Variants in NCDN observed in about 807,000 individuals in gnomAD.
NCDN encodes neurochondrin.
In NCDN, 9 loss-of-function variants were observed where a neutral mutation model predicts 60.7. That is an observed-to-expected ratio of 0.15 (90% CI 0.09 to 0.26). The LOEUF (loss-of-function observed/expected upper bound fraction) is 0.26. Among genes scored for constraint, NCDN ranks in the 10% least tolerant of loss-of-function variants. The pLI is 1.00. For synonymous variants in NCDN, 409 were observed against 442.5 expected, an observed-to-expected ratio of 0.92 and a Z score of 0.95; for missense variants, 578 against 975.2, an observed-to-expected ratio of 0.59 and a Z score of 5.42.
chr1:35,562,673 A>T lies in NCDN; in HGVS notation c.1385+40A>T, dbSNP rs749258061. On this transcript the variant is annotated intron_variant, in intron 4 of 6. Transcript: ENST00000373243. The surrounding 1 kb of genome is among the most constrained non-coding windows in gnomAD (Gnocchi z 6.8). ...ACAGTCTGTCCAGCTAGATCATTCT[A>T]CCGAAAAGCGTTAACACAAGGACAC... The T allele has an allele frequency of 1.3e-6, 2 of 1,581,288 alleles. No individual in the cohort carries two copies. Among genetic ancestry groups the T allele is most frequent in the South Asian group, 2.3e-5 (2 of 86,478 alleles).
chr1:35,564,762 C>A (rs1557427300), intron 6 of NCDN, among the ~76,000 whole-genome samples: 2 of 152,200 alleles, frequency 1.3e-5, no homozygotes, highest in African/African-American at 2.4e-5. Flanking sequence ...GTGAGGGTCA[C>A]CCCTTGAACA....
Position 35,560,643 on chromosome 1 carries a change from C to T in NCDN, c.492C>T (p.Gly164=). 6.8e-6 allele frequency: 11 copies of T among 1,613,480 alleles called. No individual in the cohort carries two copies. Among genetic ancestry groups the T allele is most frequent in the Non-Finnish European group, 9.3e-6 (11 of 1,180,052 alleles). ...ACCAGTGCCTGACGGCTGTAGCAGG[C>T]ACACCCAGAGGGCCTCGGCACCTCA... ...DTYQCLTAVA[G]TPRGPRHLIA... is the part of the protein sequence containing the mutation. Residue 164 remains glycine (G), a synonymous_variant, in exon 3 of 7, where the codon GGC becomes GGT. Transcript: ENST00000373243. This position sits in a 1 kb window ranked among gnomAD's most constrained non-coding sequence, Gnocchi z 7.6.
Position 35,560,255 on chromosome 1 carries a change from C to T in NCDN, c.175-71C>T. On this transcript the variant is annotated intron_variant, in intron 2 of 6. Transcript: ENST00000373243. The surrounding 1 kb of genome is among the most constrained non-coding windows in gnomAD (Gnocchi z 7.6). ...CTCATCTTGCTAGTCCTCAGTGCCC[C>T]AGGATGCAGGAGAGGGACAGTCTTT... The T allele has an allele frequency of 4.5e-6, 7 of 1,541,250 alleles. No individual in the cohort carries two copies. The highest frequency in any genetic ancestry group is 2.3e-5 in the East Asian group (1 of 44,364).
In NCDN at chr1:35,565,586, A is replaced by G. The variant is rs1418871638; in HGVS notation, c.2113A>G (p.Met705Val). 3 of 1,565,208 alleles carry G rather than the reference A, an allele frequency of 1.9e-6. No individual in the cohort carries two copies. The highest frequency in any genetic ancestry group is 2.6e-6 in the Non-Finnish European group (3 of 1,160,396). ...ARANRLCREA[M>V]RLQAGEETAS... The stretch of plus-strand genomic sequence containing the variant: ...GGCCAACCGGCTGTGCCGGGAGGCC[A>G]TGAGGCTGCAGGCGGGCGAGGAGAC... Residue 705 changes from methionine to valine, a missense_variant, in exon 7 of 7, where the codon ATG becomes GTG. This residue lies in a region of NCDN where 191 missense variants were observed against 372.1 expected (regional missense o/e 0.51). Transcript: ENST00000373243. This position sits in a 1 kb window ranked among gnomAD's most constrained non-coding sequence, Gnocchi z 8.9.
Position 35,558,439 on chromosome 1 carries a change from G to A in NCDN, c.33+216G>A. ...TAATTCTGCTGCTGCCGCCGCCGCT[G>A]CTGCTGCTGCTGCAGCCTCTACCCG... On this transcript the variant is annotated intron_variant, in intron 1 of 6. Transcript: ENST00000373243. This position sits in a 1 kb window ranked among gnomAD's most constrained non-coding sequence, Gnocchi z 6.3. 2 of 1,436,912 alleles carry A rather than the reference G, an allele frequency of 1.4e-6. No individual in the cohort carries two copies. Among genetic ancestry groups the A allele is most frequent in the African/African-American group, 1.4e-5 (1 of 69,576 alleles). The allele number at this position is 1,436,912 out of a possible 1,614,324, so 89.0% of individuals were successfully genotyped here.
Position 35,560,322 on chromosome 1 carries a change from A to G in NCDN, c.175-4A>G, listed in dbSNP as rs185802063. 4.3e-4 allele frequency: 695 copies of G among 1,612,376 alleles called. 1 individual carries two copies. Among genetic ancestry groups the G allele is most frequent in the Non-Finnish European group, 5.5e-4 (649 of 1,179,746 alleles). On this transcript the variant is annotated splice_polypyrimidine_tract_variant and splice_region_variant and intron_variant, in intron 2 of 6. Transcript: ENST00000373243. The surrounding 1 kb of genome is among the most constrained non-coding windows in gnomAD (Gnocchi z 7.6). Reference sequence around the variant, plus strand: ...ATCCTGATGATAGCACATACCCCCTATAGGTGACCAAGGCAGTCAAAGCAG... The same window carrying G: ...ATCCTGATGATAGCACATACCCCCTGTAGGTGACCAAGGCAGTCAAAGCAG...
Position 35,563,748 on chromosome 1 carries a change from T to TC in NCDN, c.1611-13dup. 6.2e-7 allele frequency: 1 copy of TC among 1,611,098 alleles called. No homozygotes were observed. Among genetic ancestry groups the TC allele is most frequent in the Non-Finnish European group, 8.5e-7 (1 of 1,178,160 alleles). On this transcript the variant is annotated intron_variant, in intron 5 of 6. Coordinates refer to ENST00000373243, the MANE Select transcript of NCDN (RefSeq NM_014284.3). The surrounding 1 kb of genome is among the most constrained non-coding windows in gnomAD (Gnocchi z 6.6). ...CTAGACCCCCACCTACCTCCATCCT[T>TC]CCCCCCTTTCTTTTCCAGGCGTGAC... is the stretch of plus-strand genomic sequence containing the variant.
In NCDN at chr1:35,558,382, C is replaced by G; in HGVS notation, c.33+159C>G. The G allele has an allele frequency of 6.6e-7, 1 of 1,504,042 alleles. No homozygotes were observed. The highest frequency in any genetic ancestry group is 8.8e-7 in the Non-Finnish European group (1 of 1,130,574). The allele number at this position is 1,504,042 out of a possible 1,614,324, so 93.2% of individuals were successfully genotyped here. The stretch of plus-strand genomic sequence containing the variant: ...CGGCATCCACAGGCTGGTAGCGGGA[C>G]GGGGAGGGCGAGAAGAGGGAGCGCA... On this transcript the variant is annotated intron_variant, in intron 1 of 6. Coordinates refer to ENST00000373243, the MANE Select transcript of NCDN (RefSeq NM_014284.3). This position sits in a 1 kb window ranked among gnomAD's most constrained non-coding sequence, Gnocchi z 6.3.
At position 35,560,462 on chromosome 1, in the gene NCDN, G is replaced by A. The variant is rs752138615; in HGVS notation, c.311G>A (p.Arg104Gln). Residue 104 changes from arginine (R) to glutamine (Q), a missense_variant, in exon 3 of 7, where the codon CGG (arginine) becomes CAG (glutamine). By Grantham distance (43) the Arg-to-Gln change is conservative. This residue lies in a region of NCDN where 363 missense variants were observed against 583.6 expected (regional missense o/e 0.62). Coordinates refer to ENST00000373243, the MANE Select transcript of NCDN (RefSeq NM_014284.3). This position sits in a 1 kb window ranked among gnomAD's most constrained non-coding sequence, Gnocchi z 7.6. ...GATGGCTGCCCTGACCATGTTCTGC[G>A]GGCTTTGGGTGTGGCCCTGCTGGCC... Reference protein sequence around the residue: ...APDGCPDHVLRALGVALLACF... With the variant: ...APDGCPDHVLQALGVALLACF... 4.3e-6 allele frequency: 7 copies of A among 1,613,964 alleles called. No individual in the cohort carries two copies. The highest frequency in any genetic ancestry group is 1.3e-5 in the African/African-American group (1 of 75,068).
In NCDN at chr1:35,562,397, G is replaced by A; in HGVS notation, c.1149G>A (p.Gly383=). 1 of 1,613,942 alleles carries A rather than the reference G, an allele frequency of 6.2e-7. No homozygotes were observed. ...AGGGGGTCCTGTGGCAACAGGTGGG[G>A]TCAGAGAAGCAGAAGGAGCCCTTTG... ...GAVIHYLLQV[G]SEKQKEPFVF... The change falls in exon 4 of 7, where the codon GGG becomes GGA. Residue 383 remains glycine (G), a synonymous_variant. Coordinates refer to ENST00000373243, the MANE Select transcript of NCDN (RefSeq NM_014284.3). The surrounding 1 kb of genome is among the most constrained non-coding windows in gnomAD (Gnocchi z 6.8).
Position 35,566,652 on chromosome 1 carries a change from C to A in NCDN, c.*989C>A, listed in dbSNP as rs1337835645. 1 of 402,672 alleles carries A rather than the reference C, an allele frequency of 2.5e-6. No homozygotes were observed. Among genetic ancestry groups the A allele is most frequent in the Non-Finnish European group, 5.0e-6 (1 of 199,808 alleles). The allele number at this position is 402,672 out of a possible 1,614,324, so 24.9% of individuals were successfully genotyped here. A position where few individuals can be genotyped will look rare whatever the true frequency, so the allele number is the denominator to read the frequency against. ...GACCACACACACACACACACACACA[C>A]ACACACACACACACACACACACACA... On this transcript the variant is annotated 3_prime_UTR_variant, in exon 7 of 7. Transcript: ENST00000373243. This position sits in a 1 kb window ranked among gnomAD's most constrained non-coding sequence, Gnocchi z 5.3.
Position 35,558,314 on chromosome 1 carries a change from C to T in NCDN, c.33+91C>T, listed in dbSNP as rs1648466235. 5.0e-6 allele frequency: 8 copies of T among 1,592,720 alleles called. No individual in the cohort carries two copies. The highest frequency in any genetic ancestry group is 6.0e-6 in the Non-Finnish European group (7 of 1,166,694). The stretch of plus-strand genomic sequence containing the variant: ...TCCGGCTTTTGGATTCTCCGTTGTC[C>T]TGGGAACTATCCGGGACCCCCTCTT... On this transcript the variant is annotated intron_variant, in intron 1 of 6. Coordinates refer to ENST00000373243, the MANE Select transcript of NCDN (RefSeq NM_014284.3). The surrounding 1 kb of genome is among the most constrained non-coding windows in gnomAD (Gnocchi z 6.3).
chr1:35,559,419 G>A (rs886095293), intron 2 of NCDN, among the ~76,000 whole-genome samples, 172 bp downstream of exon 2: 6 of 152,152 alleles, frequency 3.9e-5, no homozygotes, highest in African/African-American at 1.4e-4. Flanking sequence ...CTGAGAATGG[G>A]GGCAAAGAGG....
In NCDN at chr1:35,563,898, G is replaced by C; in HGVS notation, c.1742G>C (p.Ser581Thr). The C allele has an allele frequency of 6.2e-7, 1 of 1,613,846 alleles. No individual in the cohort carries two copies. The highest frequency in any genetic ancestry group is 8.5e-7 in the Non-Finnish European group (1 of 1,179,856). ...GGGCTCCTCATGGCCCGGCTCCTTA[G>C]CACCTCTCCAGGTAAGAACTGGGGA... is the stretch of plus-strand genomic sequence containing the variant. ...TLGLLMARLL[S>T]TSPALQGTPA... is the part of the protein sequence containing the mutation. Residue 581 changes from serine (S) to threonine (T), a missense_variant, in exon 6 of 7, where the codon AGC becomes ACC. Transcript: ENST00000373243. This position sits in a 1 kb window ranked among gnomAD's most constrained non-coding sequence, Gnocchi z 6.6.
Position 35,560,296 on chromosome 1 carries a change from C to A in NCDN, c.175-30C>A. 1 of 1,594,734 alleles carries A rather than the reference C, an allele frequency of 6.3e-7. No homozygotes were observed. ...GACAGTCTTTCCCACTTCTTCCTTT[C>A]ATCCTGATGATAGCACATACCCCCT... On this transcript the variant is annotated intron_variant, in intron 2 of 6. Transcript: ENST00000373243. The surrounding 1 kb of genome is among the most constrained non-coding windows in gnomAD (Gnocchi z 7.6).
chr1:35,558,624 G>T lies in NCDN; in HGVS notation c.33+401G>T. ...TGCCTCTGAAGAAGGGAGGGGAAAG[G>T]AAGCCTGGGGTGTCCTTTTCTCCCA... On this transcript the variant is annotated intron_variant, in intron 1 of 6. Coordinates refer to ENST00000373243, the MANE Select transcript of NCDN (RefSeq NM_014284.3). This position sits in a 1 kb window ranked among gnomAD's most constrained non-coding sequence, Gnocchi z 6.3. 4.3e-6 allele frequency: 5 copies of T among 1,163,442 alleles called. No homozygotes were observed. Among genetic ancestry groups the T allele is most frequent in the Non-Finnish European group, 5.3e-6 (5 of 939,130 alleles). 72.1% of individuals were successfully genotyped at this position (1,163,442 alleles called of 1,614,324 possible).
In NCDN at chr1:35,565,728, C is replaced by T; in HGVS notation, c.*65C>T. ...GGGAAGGAGGGAGGAGGCATCTTCCCTGAAGCCCCCAATCTGGCCCCCCCC... is the reference window on the plus strand; with the variant it reads ...GGGAAGGAGGGAGGAGGCATCTTCCTTGAAGCCCCCAATCTGGCCCCCCCC... On this transcript the variant is annotated 3_prime_UTR_variant, in exon 7 of 7. Transcript: ENST00000373243. This position sits in a 1 kb window ranked among gnomAD's most constrained non-coding sequence, Gnocchi z 8.9. 2.1e-6 allele frequency: 3 copies of T among 1,449,920 alleles called. No individual in the cohort carries two copies. Among genetic ancestry groups the T allele is most frequent in the Non-Finnish European group, 2.7e-6 (3 of 1,093,516 alleles). 89.8% of individuals were successfully genotyped at this position (1,449,920 alleles called of 1,614,324 possible). A position where few individuals can be genotyped will look rare whatever the true frequency, so the allele number is the denominator to read the frequency against.
Position 35,563,131 on chromosome 1 carries a change from C to A in NCDN, c.1386-71C>A. 1.5e-6 allele frequency: 2 copies of A among 1,364,110 alleles called. No homozygotes were observed. Among genetic ancestry groups the A allele is most frequent in the Non-Finnish European group, 2.0e-6 (2 of 1,005,968 alleles). 84.5% of individuals were successfully genotyped at this position (1,364,110 alleles called of 1,614,324 possible). ...ACTTCCATTTCTCTTAGGCAAGGTG[C>A]CCTAAAAAGGGAATCTATGTGCCTT... On this transcript the variant is annotated intron_variant, in intron 4 of 6. Transcript: ENST00000373243. The surrounding 1 kb of genome is among the most constrained non-coding windows in gnomAD (Gnocchi z 6.6).
In NCDN at chr1:35,566,007, C is replaced by T. The variant is rs997062489; in HGVS notation, c.*344C>T. ...GCAGGAGGGAGGCTCCAGGGTAAGA[C>T]AGGGCTGGCAGGAGCAGACTGCCTC... On this transcript the variant is annotated 3_prime_UTR_variant, in exon 7 of 7. Transcript: ENST00000373243. This position sits in a 1 kb window ranked among gnomAD's most constrained non-coding sequence, Gnocchi z 5.3. The T allele has an allele frequency of 8.2e-5, 23 of 281,744 alleles. No individual in the cohort carries two copies. Among genetic ancestry groups the T allele is most frequent in the Admixed American group, 1.5e-4 (3 of 19,850 alleles). The allele number at this position is 281,744 out of a possible 1,614,324, so 17.5% of individuals were successfully genotyped here.
Sources: gnomAD v4.1 joint callset for allele counts (sites outside exome capture counted in the v4.1 genomes callset) on GRCh38, gnomAD v4.1.1 for gene constraint, gnomAD v4.1.1 regional missense constraint, Gnocchi (gnomAD v3.1) non-coding constraint, MANE v1.5 for transcripts, NCBI Gene and HGNC (gene_info 2026-07-23, HGNC 2026-07-21) for gene names.